The following TRAPPC12 variants were observed in gnomAD, a reference collection of about 807,000 sequenced individuals.
TRAPPC12 encodes the protein TPR repeat protein 15.
In TRAPPC12, 61 loss-of-function variants were observed where a neutral mutation model predicts 69.2. The observed-to-expected ratio is 0.88, with a 90% CI of 0.72 to 1.09. TRAPPC12 has a LOEUF of 1.09. Ranked by LOEUF, TRAPPC12 falls within the 50% of genes least tolerant of loss-of-function variation. The pLI is 0.00. For missense variants in TRAPPC12, 1,101 were observed against 1,016.4 expected, an observed-to-expected ratio of 1.08 and a Z score of -1.13; for synonymous variants, 469 against 438.9, an observed-to-expected ratio of 1.07 and a Z score of -0.86.
At chr2:3,423,322 T>TTGTGTGTGTGTGTGTGTGTGTG in intron 4 of TRAPPC12, among the ~76,000 whole-genome samples, 1 of 149,188 alleles carries the variant, frequency 6.7e-6, no homozygotes. Context: ...TCGCATGCCT[T>TTGTGTGTGTGTGTGTGTGTGTG]TGTGTGTGTG....
Position 3,387,869 on chromosome 2 carries a change from G to T in TRAPPC12, c.246G>T (p.Ala82=). ...ACTCCCCCAACAGCGAGGGCGACGC[G>T]GGCGACCTGGGCCGAGTGCGGGACG... ...ISDSPNSEGD[A]GDLGRVRDEA... Residue 82 remains alanine (A), a synonymous_variant, in exon 2 of 12, where the codon GCG becomes GCT. Coordinates refer to ENST00000324266, the MANE Select transcript of TRAPPC12 (RefSeq NM_016030.6). 6.3e-7 allele frequency: 1 copy of T among 1,590,146 alleles called. No homozygotes were observed. Among genetic ancestry groups the T allele is most frequent in the Non-Finnish European group, 8.6e-7 (1 of 1,164,862 alleles).
intron 3 of TRAPPC12, among the ~76,000 whole-genome samples, chr2:3,402,932 C>G (rs909324444): frequency 1.3e-5 from 2 of 152,140 alleles, no homozygotes; most frequent in Non-Finnish European, 2.9e-5. Flanking sequence ...TGCATGCAGT[C>G]AAGTTAGTGG....
chr2:3,443,932 T>C, intron 6 of TRAPPC12, 41 bp downstream of exon 6: 2 of 1,469,874 alleles, frequency 1.4e-6, no homozygotes, highest in Non-Finnish European at 1.9e-6. Context: ...GGGGAGAACA[T>C]GCCCTCCACG....
intron 2 of TRAPPC12, among the ~76,000 whole-genome samples, chr2:3,397,045 T>C (rs1661174672): frequency 6.6e-6 from 1 of 152,216 alleles, no homozygotes; most frequent in Admixed American, 6.5e-5. Context: ...CCATTATCTA[T>C]GTAATATCTG....
Position 3,465,595 on chromosome 2 carries a change from A to G in TRAPPC12, c.1678-2A>G. The G allele has an allele frequency of 6.2e-7, 1 of 1,612,190 alleles. No homozygotes were observed. Among genetic ancestry groups the G allele is most frequent in the South Asian group, 1.1e-5 (1 of 91,048 alleles). ...AAGTACGTTGGGTTTTTCTTCCCAC[A>G]GGATTATGTGCTGGCCGTGGAGGCG... is the stretch of plus-strand genomic sequence containing the variant. On this transcript the variant is annotated splice_acceptor_variant, in intron 8 of 11. Transcript: ENST00000324266. LOFTEE classifies it high-confidence loss of function.
At chr2:3,388,901 C>G (rs1397880958) in intron 2 of TRAPPC12, 4 of 466,090 alleles carry the variant, frequency 8.6e-6, no homozygotes, top group Non-Finnish European at 1.5e-5. Flanking sequence ...TAAATACCAC[C>G]AAGGCAGACA....
chr2:3,383,869 TTG>T (rs1660352441), intron 1 of TRAPPC12, among the ~76,000 whole-genome samples: 1 of 131,132 alleles, frequency 7.6e-6, no homozygotes, highest in South Asian at 2.5e-4. Context: ...TAGTTCAGTC[TTG>T]TTTTTTTTTT....
intron 6 of TRAPPC12, among the ~76,000 whole-genome samples, chr2:3,451,779 T>C (rs1664863832): frequency 6.6e-6 from 1 of 152,176 alleles, no homozygotes; most frequent in Non-Finnish European, 1.5e-5. Flanking sequence ...CCACCTCAGC[T>C]TCCCAAAGTG....
chr2:3,445,384 C>CA (rs796374698), intron 6 of TRAPPC12, among the ~76,000 whole-genome samples: 39 of 150,616 alleles, frequency 2.6e-4, no homozygotes, highest in African/African-American at 5.9e-4. Flanking sequence ...GACTCTGTCT[C>CA]AAAAAAAAAG....
chr2:3,451,104 G>T (rs1463551943), intron 6 of TRAPPC12, among the ~76,000 whole-genome samples: 1 of 152,210 alleles, frequency 6.6e-6, no homozygotes, highest in East Asian at 1.9e-4. Context: ...AGTGGTAGTG[G>T]TTATATATGG....
At chr2:3,390,111 C>T (rs564647196) in intron 2 of TRAPPC12, among the ~76,000 whole-genome samples, 2 of 152,254 alleles carry the variant, frequency 1.3e-5, no homozygotes, top group Admixed American at 1.3e-4. Flanking sequence ...TGGGTTTATC[C>T]GGGACTTGCA....
In TRAPPC12 at chr2:3,388,616, G is replaced by C; in HGVS notation, c.993G>C (p.Val331=). Reference sequence around the variant, plus strand: ...TGGCCACCCAGCAGCGCGGCGCCGTGTTCGTGGACAAGGAGAACCTCACCA... The same window carrying C: ...TGGCCACCCAGCAGCGCGGCGCCGTCTTCGTGGACAAGGAGAACCTCACCA... ...RAVATQQRGA[V]FVDKENLTMP... is the part of the protein sequence containing the mutation. Residue 331 remains valine, a synonymous_variant, in exon 2 of 12, where the codon GTG becomes GTC. Coordinates refer to ENST00000324266, the MANE Select transcript of TRAPPC12 (RefSeq NM_016030.6). 2 of 1,599,032 alleles carry C rather than the reference G, an allele frequency of 1.3e-6. No individual in the cohort carries two copies. The highest frequency in any genetic ancestry group is 2.3e-5 in the East Asian group (1 of 44,134).
At chr2:3,390,082 A>C (rs983488977) in intron 2 of TRAPPC12, among the ~76,000 whole-genome samples, 1 of 152,180 alleles carries the variant, frequency 6.6e-6, no homozygotes, top group African/African-American at 2.4e-5. Flanking sequence ...ATGGGACGAA[A>C]GGTTCTCAGT....
chr2:3,387,674 C>T lies in TRAPPC12; in HGVS notation c.51C>T (p.His17=). ...GEETPAPEAP[H]PPQLAPPEEQ... ...AGACCCCGGCCCCGGAGGCCCCGCA[C>T]CCCCCTCAGCTCGCGCCTCCGGAGG... Residue 17 remains histidine (H), a synonymous_variant, in exon 2 of 12, where the codon CAC becomes CAT. Coordinates refer to ENST00000324266, the MANE Select transcript of TRAPPC12 (RefSeq NM_016030.6). 1.3e-6 allele frequency: 2 copies of T among 1,556,288 alleles called. No individual in the cohort carries two copies. The highest frequency in any genetic ancestry group is 1.7e-6 in the Non-Finnish European group (2 of 1,150,020).
chr2:3,471,378 G>A (rs1285495474), intron 9 of TRAPPC12, among the ~76,000 whole-genome samples: 2 of 152,178 alleles, frequency 1.3e-5, no homozygotes, highest in Admixed American at 6.5e-5. Flanking sequence ...TCGTCCCGCA[G>A]GCAGAACTAT....
In TRAPPC12 at chr2:3,388,359, G is replaced by A. The variant is rs754550846; in HGVS notation, c.736G>A (p.Ala246Thr). The A allele has an allele frequency of 1.3e-6, 2 of 1,592,508 alleles. No individual in the cohort carries two copies. The highest frequency in any genetic ancestry group is 4.6e-5 in the East Asian group (2 of 43,676). Residue 246 changes from alanine (A) to threonine (T), a missense_variant, in exon 2 of 12, where the codon GCC (alanine) becomes ACC (threonine). Transcript: ENST00000324266. ...TCCCGGCGCGGGCTCCCCGGCCCCCGCCAGCCCGCCTCCCCTCGCTGTGCC... is the reference window on the plus strand; with the variant it reads ...TCCCGGCGCGGGCTCCCCGGCCCCCACCAGCCCGCCTCCCCTCGCTGTGCC... ...SNPGAGSPAP[A>T]SPPPLAVPGT...
At chr2:3,387,537 T>C in intron 1 of TRAPPC12, 83 bp from the exon 2 acceptor site, 1 of 1,102,564 alleles carries the variant, frequency 9.1e-7, no homozygotes, top group South Asian at 1.7e-5. Flanking sequence ...TCTGCGTCAT[T>C]TGAATCTATA....
intron 3 of TRAPPC12, among the ~76,000 whole-genome samples, chr2:3,420,812 C>T (rs1662738902): frequency 1.3e-5 from 2 of 152,132 alleles, no homozygotes; most frequent in African/African-American, 2.4e-5. Flanking sequence ...GGGAGTAGTG[C>T]GTGTGTGAGT....
intron 3 of TRAPPC12, among the ~76,000 whole-genome samples, chr2:3,415,238 G>A (rs1338876533): frequency 6.6e-6 from 1 of 152,280 alleles, no homozygotes; most frequent in Admixed American, 6.5e-5. Flanking sequence ...TTTCTCACTC[G>A]CGGTGAATTC....
Sources: gnomAD v4.1 joint callset for allele counts (sites outside exome capture counted in the v4.1 genomes callset) on GRCh38, gnomAD v4.1.1 for gene constraint, MANE v1.5 for transcripts, NCBI Gene and HGNC (gene_info 2026-07-23, HGNC 2026-07-21) for gene names.